NEXMIF: variants seen among roughly 807,000 people sequenced by gnomAD.
The protein encoded by NEXMIF is neurite extension and migration factor, also known as XLMR protein related to neurite extension.
Under a neutral mutation model 62.1 loss-of-function variants are expected in NEXMIF, and 8 were observed. That is an observed-to-expected ratio of 0.13 (90% CI 0.08 to 0.23). The LOEUF is 0.23. NEXMIF is among the 10% of genes least tolerant of loss of function. NEXMIF has a pLI of 1.00. For missense variants in NEXMIF, 976 were observed against 1,113.3 expected (o/e 0.88, Z 1.75); for synonymous variants, 404 against 416.6 (o/e 0.97, Z 0.37).
intron 1 of NEXMIF, among the ~76,000 whole-genome samples, chrX:74,791,546 G>A (rs1449185248): frequency 9.0e-6 from 1 of 111,669 alleles, no homozygotes; most frequent in East Asian, 2.8e-4. Flanking sequence ...AGTTTCAGAA[G>A]GAATGGTACC....
chrX:74,769,775 A>G (rs1311013718), intron 1 of NEXMIF: 4 of 545,385 alleles, frequency 7.3e-6, no homozygotes, highest in African/African-American at 4.6e-5. Flanking sequence ...ATTGTATATG[A>G]AAAGGACCTC....
At chrX:74,897,534 G>A (rs982561108) in intron 1 of NEXMIF, among the ~76,000 whole-genome samples, 1 of 111,384 alleles carries the variant, frequency 9.0e-6, no homozygotes, top group Admixed American at 9.6e-5. Context: ...TATAATTGTT[G>A]TGGAGGGTAA....
At chrX:74,744,897 TTCTC>T (rs776035242) in intron 2 of NEXMIF, among the ~76,000 whole-genome samples, 16 of 96,205 alleles carry the variant, frequency 1.7e-4, no homozygotes, top group South Asian at 5.3e-4. Context: ...TTCTTTTCTT[TTCTC>T]TCTCTCTCTC....
intron 1 of NEXMIF, among the ~76,000 whole-genome samples, chrX:74,841,739 T>C (rs944332861): frequency 1.8e-5 from 2 of 112,085 alleles, no homozygotes; most frequent in Non-Finnish European, 3.8e-5. Flanking sequence ...GAGATAATCA[T>C]GTGGGTTTTG....
chrX:74,754,619 A>G (rs1331022234), intron 1 of NEXMIF, among the ~76,000 whole-genome samples: 2 of 111,008 alleles, frequency 1.8e-5, no homozygotes, highest in South Asian at 7.5e-4. Context: ...CTTTTTCTTC[A>G]TATATATACA....
intron 1 of NEXMIF, among the ~76,000 whole-genome samples, chrX:74,847,310 G>T (rs149887419): frequency 2.9e-3 from 328 of 112,122 alleles, no homozygotes; most frequent in African/African-American, 9.7e-3. Context: ...ACGAGTCATA[G>T]AAGTGGATTC....
At chrX:74,896,828 C>T (rs1179595893) in intron 1 of NEXMIF, among the ~76,000 whole-genome samples, 1 of 111,809 alleles carries the variant, frequency 8.9e-6, no homozygotes, top group African/African-American at 3.2e-5. Context: ...CAGCACCTTT[C>T]CATTAGAATT....
chrX:74,820,288 A>G (rs1350062155), intron 1 of NEXMIF, among the ~76,000 whole-genome samples: 2 of 110,121 alleles, frequency 1.8e-5, no homozygotes, highest in African/African-American at 6.6e-5. Flanking sequence ...ATACCTATGT[A>G]TCAAACCTGC....
At chrX:74,821,066 G>T (rs996667094) in intron 1 of NEXMIF, among the ~76,000 whole-genome samples, 15 of 110,302 alleles carry the variant, frequency 1.4e-4, no homozygotes, top group African/African-American at 5.0e-4. Flanking sequence ...TTTTTTTGCA[G>T]AGAGAGTCTC....
intron 1 of NEXMIF, among the ~76,000 whole-genome samples, chrX:74,872,047 C>A (rs982686679): frequency 3.6e-5 from 4 of 111,476 alleles, no homozygotes; most frequent in African/African-American, 1.3e-4. Flanking sequence ...GAAATCTTCA[C>A]AATTCACGTT....
At chrX:74,797,419 G>A (rs1408280951) in intron 1 of NEXMIF, among the ~76,000 whole-genome samples, 1 of 111,567 alleles carries the variant, frequency 9.0e-6, no homozygotes, top group Non-Finnish European at 1.9e-5. Context: ...CTGGGCAAAC[G>A]GTATATTGGA....
intron 1 of NEXMIF, among the ~76,000 whole-genome samples, chrX:74,792,558 T>G (rs1371235727): frequency 1.1e-5 from 1 of 95,134 alleles, no homozygotes; most frequent in Non-Finnish European, 2.1e-5. Context: ...TTGATCTGTC[T>G]AATGTTGACA....
At chrX:74,877,638 T>C (rs2080642276) in intron 1 of NEXMIF, among the ~76,000 whole-genome samples, 1 of 111,735 alleles carries the variant, frequency 8.9e-6, no homozygotes, top group Non-Finnish European at 1.9e-5. Context: ...CAATCAGACG[T>C]AGATTTGGTC....
chrX:74,884,042 A>C (rs1223818213), intron 1 of NEXMIF, among the ~76,000 whole-genome samples: 1 of 111,985 alleles, frequency 8.9e-6, no homozygotes, highest in East Asian at 2.8e-4. Flanking sequence ...TATCCAGCCA[A>C]ACTAAGCTTC....
At chrX:74,885,052 T>G (rs1311609654) in intron 1 of NEXMIF, among the ~76,000 whole-genome samples, 3 of 109,509 alleles carry the variant, frequency 2.7e-5, no homozygotes, top group Non-Finnish European at 5.7e-5. Context: ...GACTACTGGG[T>G]ACATAATGAA....
intron 1 of NEXMIF, among the ~76,000 whole-genome samples, chrX:74,863,810 A>T (rs1043150040): frequency 8.9e-6 from 1 of 112,283 alleles, no homozygotes; most frequent in Non-Finnish European, 1.9e-5. Flanking sequence ...TACAATAAAA[A>T]AAGAAAACTT....
At chrX:74,753,702 T>TAC (rs959407700) in intron 1 of NEXMIF, among the ~76,000 whole-genome samples, 3 of 95,115 alleles carry the variant, frequency 3.2e-5, no homozygotes, top group East Asian at 6.7e-4. Context: ...ATTTCCTCCT[T>TAC]ACACACACAC....
At chrX:74,763,751 A>C (rs1017909230) in intron 1 of NEXMIF, among the ~76,000 whole-genome samples, 1 of 111,474 alleles carries the variant, frequency 9.0e-6, no homozygotes, top group Non-Finnish European at 1.9e-5. Context: ...GAGTTCACTC[A>C]TGATTTGGCT....
Position 74,740,936 on chromosome X carries a change from C to A in NEXMIF, c.3621G>T (p.Gly1207=). 8.3e-7 allele frequency: 1 copy of A among 1,211,798 alleles called. No individual in the cohort carries two copies. Among genetic ancestry groups the A allele is most frequent in the Non-Finnish European group, 1.1e-6 (1 of 895,495 alleles). ...RKKSLKGNNK[G]IEKPPGKNSR... ...AGTTTTTGCCAGGTGGTTTTTCAAT[C>A]CCCTTGTTGTTACCTTTGAGGGATT... Residue 1207 remains glycine, a synonymous_variant, in exon 3 of 4, where the codon GGG becomes GGT. Transcript: ENST00000055682.
Sources: allele counts gnomAD v4.1 joint callset (sites outside exome capture counted in the v4.1 genomes callset), GRCh38; gene constraint gnomAD v4.1.1; transcripts MANE v1.5; gene names NCBI Gene and HGNC (gene_info 2026-07-23, HGNC 2026-07-21).